LAMB1: variants seen among roughly 807,000 people sequenced by gnomAD.
LAMB1 encodes the protein laminin subunit beta 1, also known as laminin subunit beta-1.
A neutral mutation model predicts 222.3 loss-of-function variants in LAMB1; 121 were observed. That is an observed-to-expected ratio of 0.54 (90% CI 0.47 to 0.63). LAMB1 has a LOEUF of 0.63. Ranked by LOEUF, LAMB1 falls within the 30% of genes least tolerant of loss-of-function variation. The pLI is 0.00. For synonymous variants in LAMB1, 794 were observed against 807.2 expected (o/e 0.98, Z 0.28); for missense variants, 2,172 against 2,240.8 (o/e 0.97, Z 0.62).
chr7:107,932,411 G>C (rs369962921), intron 27 of LAMB1, 34 bp from the exon 28 acceptor site: 277 of 1,605,680 alleles, frequency 1.7e-4, no homozygotes, highest in Non-Finnish European at 2.1e-4. Context: ...ACAATACTTC[G>C]GATAGTGAAT....
intron 5 of LAMB1, among the ~76,000 whole-genome samples, chr7:107,992,062 C>T (rs1166096332): frequency 1.3e-5 from 2 of 152,172 alleles, no homozygotes; most frequent in Non-Finnish European, 2.9e-5. Flanking sequence ...CTACCCCAAA[C>T]TCGAGGCAAA....
intron 24 of LAMB1, among the ~76,000 whole-genome samples, chr7:107,941,819 C>T (rs1446496900): frequency 7.4e-5 from 10 of 135,606 alleles, no homozygotes; most frequent in South Asian, 2.5e-4. Flanking sequence ...CCACCACACC[C>T]GGCTTTTTTT....
At chr7:107,980,491 G>GT (rs1348965875) in intron 8 of LAMB1, 118 bp downstream of exon 8, 2 of 784,650 alleles carry the variant, frequency 2.5e-6, no homozygotes, top group African/African-American at 3.4e-5. Flanking sequence ...AGGGCTAAAT[G>GT]TAACTCTGTA....
intron 32 of LAMB1, among the ~76,000 whole-genome samples, chr7:107,924,798 G>A (rs1417520424): frequency 6.6e-6 from 1 of 152,066 alleles, no homozygotes; most frequent in African/African-American, 2.4e-5. Context: ...TTGCTTATAA[G>A]GAAATCAGAG....
chr7:107,932,506 G>A (rs2032737959), intron 27 of LAMB1, 129 bp from the exon 28 acceptor site: 3 of 788,702 alleles, frequency 3.8e-6, no homozygotes, highest in Non-Finnish European at 4.3e-6. Flanking sequence ...TGAAAACAGT[G>A]TTTGGGAGAC....
Position 107,986,155 on chromosome 7 carries a change from A to G in LAMB1, c.612+20T>C, listed in dbSNP as rs2034072868. 1.2e-6 allele frequency: 2 copies of G among 1,612,806 alleles called. No individual in the cohort carries two copies. The highest frequency in any genetic ancestry group is 1.3e-5 in the African/African-American group (1 of 74,896). ...AAAGTAGATTTGCAAGTAGAATGTA[A>G]AACACAGAAGCAAACAAACCTCTCC... is the stretch of plus-strand genomic sequence containing the variant. On this transcript the variant is annotated intron_variant, in intron 6 of 33. Coordinates refer to ENST00000222399, the MANE Select transcript of LAMB1 (RefSeq NM_002291.3).
intron 15 of LAMB1, among the ~76,000 whole-genome samples, chr7:107,962,630 C>T (rs1334892095): frequency 1.3e-5 from 2 of 151,028 alleles, no homozygotes; most frequent in Admixed American, 6.6e-5. Context: ...AGGAGAATCG[C>T]TTGAACCCGG....
At position 107,929,153 on chromosome 7, in the gene LAMB1, C is replaced by G. The variant is rs754518336; in HGVS notation, c.4798G>C (p.Glu1600Gln). 3.7e-6 allele frequency: 6 copies of G among 1,613,984 alleles called. No homozygotes were observed. Among genetic ancestry groups the G allele is most frequent in the Non-Finnish European group, 5.1e-6 (6 of 1,179,976 alleles). Reference sequence around the variant, plus strand: ...GCGACCTGGGCCTTTTCTGCTTCTTCCAGAGCTTCCTTTACCATATCTGCA... The same window carrying G: ...GCGACCTGGGCCTTTTCTGCTTCTTGCAGAGCTTCCTTTACCATATCTGCA... ...VTADMVKEAL[E>Q]EAEKAQVAAE... The change falls in exon 31 of 34, where the codon GAA becomes CAA. Residue 1600 changes from glutamate (E) to glutamine (Q), a missense_variant. Glu to Gln is a conservative substitution (Grantham distance 29, BLOSUM62 2). Transcript: ENST00000222399.
chr7:107,940,650 A>C (rs192575924), intron 24 of LAMB1: 1 of 338,430 alleles, frequency 3.0e-6, no homozygotes, highest in Non-Finnish European at 5.5e-6. Context: ...AATAATCACT[A>C]TTTCACAGAT....
intron 27 of LAMB1, among the ~76,000 whole-genome samples, chr7:107,932,904 C>A (rs774150641): frequency 3.3e-5 from 5 of 152,090 alleles, no homozygotes; most frequent in Non-Finnish European, 7.3e-5. Context: ...GATGCAGTCA[C>A]TATGAAAGAA....
At chr7:107,978,750 T>C (rs1410390868) in intron 8 of LAMB1, among the ~76,000 whole-genome samples, 1 of 152,212 alleles carries the variant, frequency 6.6e-6, no homozygotes, top group African/African-American at 2.4e-5. Flanking sequence ...TCCTTTTATG[T>C]AAGGAAATAT....
chr7:107,964,743 C>A, intron 13 of LAMB1, 56 bp from the exon 14 acceptor site: 1 of 1,598,514 alleles, frequency 6.3e-7, no homozygotes, highest in Non-Finnish European at 8.5e-7. Context: ...AGTCAACCCG[C>A]CAGAAGCAGC....
chr7:107,948,233 C>T (rs1199941364), intron 24 of LAMB1, among the ~76,000 whole-genome samples: 45 of 152,106 alleles, frequency 3.0e-4, no homozygotes, highest in Admixed American at 2.8e-3. Context: ...GTGATCCGCC[C>T]GCCTTGGCCT....
chr7:107,960,146 T>C (rs528652301), intron 18 of LAMB1, among the ~76,000 whole-genome samples: 1 of 152,314 alleles, frequency 6.6e-6, no homozygotes, highest in East Asian at 1.9e-4. Context: ...TTTCAGGTAT[T>C]TGATGCTTCT....
rs758150190 is a variant in LAMB1, at chr7:107,961,704, ATAGT to A, written c.1858-32_1858-29del. ...AGAATAAGAAACAAACAATGAAAAG[ATAGT>A]TAGCCCACCACTGCCTGTTTATAAA... On this transcript the variant is annotated intron_variant, in intron 15 of 33. Coordinates refer to ENST00000222399, the MANE Select transcript of LAMB1 (RefSeq NM_002291.3). 5.6e-6 allele frequency: 9 copies of A among 1,603,168 alleles called. No individual in the cohort carries two copies. In the East Asian group the frequency reaches 9.0e-5, roughly 16 times the overall value.
rs1406468049 is a variant in LAMB1, at chr7:107,937,130, A to C, written c.3909T>G (p.Ala1303=). Residue 1303 remains alanine (A), a synonymous_variant, in exon 26 of 34, where the codon GCT becomes GCG. Transcript: ENST00000222399. ...ESLDNTVKEL[A]EQLEFIKNSD... is the part of the protein sequence containing the mutation. ...AGTTTTTGATAAATTCCAGTTGTTC[A>C]GCAAGTTCTTTCACAGTGTTGTCTA... 1 of 1,613,870 alleles carries C rather than the reference A, an allele frequency of 6.2e-7. No homozygotes were observed. Among genetic ancestry groups the C allele is most frequent in the African/African-American group, 1.3e-5 (1 of 74,926 alleles).
chr7:107,925,372 T>C lies in LAMB1; in HGVS notation c.5064+811A>G, dbSNP rs150944731. On this transcript the variant is annotated intron_variant, in intron 32 of 33. Transcript: ENST00000222399. ...GATTCTCATAGGAGCACGAATCCTA[T>C]TGGGAACTGTGCATGCAAGGGATCT... is the stretch of plus-strand genomic sequence containing the variant. 5.8e-4 allele frequency among the ~76,000 whole-genome samples: 89 copies of C among 152,192 alleles called. No homozygotes were observed. In the Middle Eastern group the frequency reaches 0.01, roughly 17 times the overall value.
intron 16 of LAMB1, 48 bp from the exon 17 acceptor site, chr7:107,961,377 G>C: frequency 6.3e-7 from 1 of 1,598,890 alleles, no homozygotes; most frequent in Non-Finnish European, 8.5e-7. Flanking sequence ...CAACCTTCAT[G>C]CATCCAAAAA....
At chr7:107,940,698 C>A in intron 24 of LAMB1, 1 of 258,690 alleles carries the variant, frequency 3.9e-6, no homozygotes, top group East Asian at 8.2e-5. Flanking sequence ...TGTAACATGC[C>A]CCAAGTCTCA....
Sources: allele counts gnomAD v4.1 joint callset (sites outside exome capture counted in the v4.1 genomes callset), GRCh38; gene constraint gnomAD v4.1.1; transcripts MANE v1.5; gene names NCBI Gene and HGNC (gene_info 2026-07-23, HGNC 2026-07-21).